SCARB1: variants seen among roughly 807,000 people sequenced by gnomAD.
SCARB1 encodes scavenger receptor class B member 1.
SCARB1 carries 30 observed loss-of-function variants against 57.2 expected under a neutral mutation model. The observed-to-expected ratio is 0.52, with a 90% CI of 0.39 to 0.71. The LOEUF (loss-of-function observed/expected upper bound fraction) is 0.71, where lower values mean the gene tolerates loss of function less well. SCARB1 is among the 30% of genes least tolerant of loss of function. The pLI is 0.00. For missense variants in SCARB1, 543 were observed against 671.2 expected, an observed-to-expected ratio of 0.81 and a Z score of 2.11; for synonymous variants, 249 against 268.3, an observed-to-expected ratio of 0.93 and a Z score of 0.70.
At chr12:124,804,997 C>T (rs1333804416) in intron 7 of SCARB1, among the ~76,000 whole-genome samples, 2 of 152,172 alleles carry the variant, frequency 1.3e-5, no homozygotes, top group African/African-American at 2.4e-5. Context: ...GTTCTAGAAG[C>T]TAAGAATAAA....
intron 1 of SCARB1, among the ~76,000 whole-genome samples, chr12:124,830,844 ACT>A (rs1265950188): frequency 1.3e-5 from 2 of 152,026 alleles, no homozygotes; most frequent in Admixed American, 6.6e-5. Context: ...ACAGAGTCTC[ACT>A]CTGTCGCCCA....
chr12:124,845,089 G>A (rs576328553), intron 1 of SCARB1, among the ~76,000 whole-genome samples: 2 of 152,240 alleles, frequency 1.3e-5, no homozygotes, highest in Admixed American at 6.5e-5. Flanking sequence ...TGGGCGCAGG[G>A]GCAGGGCGGG....
chr12:124,819,976 T>G (rs890270582), intron 1 of SCARB1, among the ~76,000 whole-genome samples: 3 of 152,214 alleles, frequency 2.0e-5, no homozygotes, highest in African/African-American at 7.2e-5. Flanking sequence ...CTGAATTCTT[T>G]GTCAAGAAAC....
intron 1 of SCARB1, among the ~76,000 whole-genome samples, chr12:124,818,511 G>C (rs1222005592): frequency 6.6e-6 from 1 of 152,168 alleles, no homozygotes; most frequent in Admixed American, 6.6e-5. Context: ...CTGTTGCCCA[G>C]GCTGGAGTGC....
At chr12:124,838,686 G>T (rs1468857687) in intron 1 of SCARB1, among the ~76,000 whole-genome samples, 1 of 151,960 alleles carries the variant, frequency 6.6e-6, no homozygotes, top group African/African-American at 2.4e-5. Context: ...ATTCAAGCAG[G>T]AGGGGCCGGT....
At chr12:124,801,886 CACGCCT>C (rs1180345750) in intron 7 of SCARB1, among the ~76,000 whole-genome samples, 16 of 149,782 alleles carry the variant, frequency 1.1e-4, no homozygotes, top group Non-Finnish European at 2.1e-4. Flanking sequence ...CGCGGTGGCT[CACGCCT>C]GTAATCCCAG....
chr12:124,793,692 C>CAAAA (rs71092224), intron 9 of SCARB1, among the ~76,000 whole-genome samples: 2,951 of 50,974 alleles, frequency 0.058, 79 homozygotes, highest in Middle Eastern at 0.1. Flanking sequence ...GACTCCGTCT[C>CAAAA]AAAAAAAAAA....
At chr12:124,786,082 C>A in intron 11 of SCARB1, 1 of 1,528,716 alleles carries the variant, frequency 6.5e-7, no homozygotes, top group Non-Finnish European at 8.8e-7. Context: ...GATGCAAGTA[C>A]CAGGTCTCAT....
chr12:124,854,292 T>TG (rs1566261700), intron 1 of SCARB1, among the ~76,000 whole-genome samples: 1 of 152,026 alleles, frequency 6.6e-6, no homozygotes, highest in African/African-American at 2.4e-5. Flanking sequence ...ATTGGGCCCA[T>TG]GGGGCTGAGG....
chr12:124,815,309 T>TCG (rs372001880), intron 2 of SCARB1, among the ~76,000 whole-genome samples, 195 bp from the exon 3 acceptor site: 1 of 152,196 alleles, frequency 6.6e-6, no homozygotes, highest in African/African-American at 2.4e-5. Flanking sequence ...GGACATGGTG[T>TCG]CGCCGCCCAC....
chr12:124,849,059 A>G (rs1952284199), intron 1 of SCARB1, among the ~76,000 whole-genome samples: 1 of 152,232 alleles, frequency 6.6e-6, no homozygotes, highest in Non-Finnish European at 1.5e-5. Context: ...CATTTTACAG[A>G]AAAGTAAAAA....
In SCARB1 at chr12:124,786,502, C is replaced by G; in HGVS notation, c.1256G>C (p.Ser419Thr). 1 of 1,614,038 alleles carries G rather than the reference C, an allele frequency of 6.2e-7. No homozygotes were observed. The highest frequency in any genetic ancestry group is 8.5e-7 in the Non-Finnish European group (1 of 1,180,030). The change falls in exon 11 of 13, where the codon AGC (serine) becomes ACC (threonine). Residue 419 changes from serine to threonine, a missense_variant and splice_region_variant. Transcript: ENST00000261693. The stretch of plus-strand genomic sequence containing the variant: ...AAGAGTCTCCCCCTCCATGGCCCCG[C>G]TCTGAGGAGACAGAATGACAAACAC... ...VVLPLLWFAE[S>T]GAMEGETLHT...
At chr12:124,784,877 GACTGTAGTA>G (rs1436166022) in intron 11 of SCARB1, 1 of 152,446 alleles carries the variant, frequency 6.6e-6, no homozygotes, top group African/African-American at 2.4e-5. Context: ...TCCTTCGTGT[GACTGTAGTA>G]ACTTGCCTAA....
At chr12:124,781,976 G>T (rs1012708331) in intron 12 of SCARB1, among the ~76,000 whole-genome samples, 4 of 152,148 alleles carry the variant, frequency 2.6e-5, no homozygotes, top group Admixed American at 1.3e-4. Flanking sequence ...CACGATCTTG[G>T]CTCACTGCAA....
intron 7 of SCARB1, among the ~76,000 whole-genome samples, chr12:124,803,482 G>C (rs1950206563): frequency 6.6e-6 from 1 of 151,968 alleles, no homozygotes; most frequent in African/African-American, 2.4e-5. Flanking sequence ...GGGGTAAGAG[G>C]ATCAATTGAG....
At position 124,860,614 on chromosome 12, in the gene SCARB1, A is replaced by T. The variant is rs188973163; in HGVS notation, c.126+2981T>A. On this transcript the variant is annotated intron_variant, in intron 1 of 12. Transcript: ENST00000261693. ...AGCAACAGAGCTGTGCAGAAGGGCAATTTGGCCGTAATCATCAAAACTCAA... is the reference window on the plus strand; with the variant it reads ...AGCAACAGAGCTGTGCAGAAGGGCATTTTGGCCGTAATCATCAAAACTCAA... Among the ~76,000 whole-genome samples the T allele has an allele frequency of 1.2e-4, 18 of 152,392 alleles. No individual in the cohort carries two copies. In the East Asian group the frequency reaches 3.3e-3, roughly 28 times the overall value.
intron 1 of SCARB1, among the ~76,000 whole-genome samples, chr12:124,823,997 T>A (rs1271652148): frequency 6.7e-6 from 1 of 149,848 alleles, no homozygotes. Flanking sequence ...AAACCCCGCC[T>A]CTATTAAAAA....
intron 1 of SCARB1, among the ~76,000 whole-genome samples, chr12:124,850,218 CAAA>C (rs1281124395): frequency 5.3e-5 from 8 of 151,258 alleles, no homozygotes; most frequent in African/African-American, 1.9e-4. Flanking sequence ...ACTAAAAATA[CAAA>C]AATTAGCCGG....
In SCARB1 at chr12:124,822,879, C is replaced by A. The variant is rs560774179; in HGVS notation, c.127-5172G>T. Among the ~76,000 whole-genome samples, 97 of 152,070 alleles carry A rather than the reference C, an allele frequency of 6.4e-4. No individual in the cohort carries two copies. The highest frequency in any genetic ancestry group is 2.3e-3 in the African/African-American group (95 of 41,460). The stretch of plus-strand genomic sequence containing the variant: ...CTCCAGTCTGGGCCACAAAGCAAGA[C>A]CCTGTCTGAAAAAAACAACAGCAAC... On this transcript the variant is annotated intron_variant, in intron 1 of 12. Transcript: ENST00000261693. This position sits in a 1 kb window ranked among gnomAD's most constrained non-coding sequence, Gnocchi z 5.0.
Sources: allele counts gnomAD v4.1 joint callset (sites outside exome capture counted in the v4.1 genomes callset), GRCh38; gene constraint gnomAD v4.1.1; non-coding constraint Gnocchi (gnomAD v3.1); transcripts MANE v1.5; gene names NCBI Gene and HGNC (gene_info 2026-07-23, HGNC 2026-07-21).